The following MBTPS1 variants were observed in gnomAD, a reference collection of about 807,000 sequenced individuals.
The protein encoded by MBTPS1 is membrane-bound transcription factor site-1 protease.
MBTPS1 carries 94 observed loss-of-function variants against 127.8 expected under a neutral mutation model. The observed-to-expected ratio is 0.74, with a 90% CI of 0.62 to 0.87. The LOEUF is 0.87. Ranked by LOEUF, MBTPS1 falls within the 40% of genes least tolerant of loss-of-function variation. MBTPS1 has a pLI of 0.00. For synonymous variants in MBTPS1, 632 were observed against 509.4 expected (o/e 1.24, Z -3.24); for missense variants, 1,636 against 1,353.2 (o/e 1.21, Z -3.28).
chr16:84,091,402 C>T (rs960987645), intron 7 of MBTPS1, among the ~76,000 whole-genome samples: 4 of 149,556 alleles, frequency 2.7e-5, no homozygotes, highest in African/African-American at 9.9e-5. Flanking sequence ...AGGAGAACCG[C>T]TTGAACCTGG....
At chr16:84,086,164 C>T (rs1265581394) in intron 9 of MBTPS1, 1 of 152,266 alleles carries the variant, frequency 6.6e-6, no homozygotes, top group East Asian at 1.9e-4. Flanking sequence ...GCATCCTCCA[C>T]TGCAGCTGTG....
rs1238811707 is a variant in MBTPS1, at chr16:84,065,684, C to T, written c.2431+6G>A. The T allele has an allele frequency of 1.2e-6, 2 of 1,608,882 alleles. No homozygotes were observed. The highest frequency in any genetic ancestry group is 1.3e-5 in the African/African-American group (1 of 74,768). On this transcript the variant is annotated splice_donor_region_variant and intron_variant, in intron 18 of 22. Coordinates refer to ENST00000343411, the MANE Select transcript of MBTPS1 (RefSeq NM_003791.4). ...AAGCAAAAGGCCCATGAATGGCATC[C>T]TTTACCTTGGTCCTTGAAAGTCTGT...
intron 16 of MBTPS1, 132 bp downstream of exon 16, chr16:84,067,535 A>C: frequency 1.4e-6 from 1 of 724,860 alleles, no homozygotes; most frequent in Non-Finnish European, 2.3e-6. Flanking sequence ...CTTTTTTTCT[A>C]ATCAAGCTCT....
Position 84,082,019 on chromosome 16 carries a change from T to C in MBTPS1, c.1287-111A>G, listed in dbSNP as rs1254701291. On this transcript the variant is annotated intron_variant, in intron 10 of 22. Coordinates refer to ENST00000343411, the MANE Select transcript of MBTPS1 (RefSeq NM_003791.4). ...ACAAGAGGCCTGCAGTCTTGTTTAG[T>C]ATCCAACAGGTGCTTGTCTGGCACA... The C allele has an allele frequency of 5.8e-6, 4 of 692,662 alleles. No individual in the cohort carries two copies. In the East Asian group the frequency reaches 1.4e-4, roughly 24 times the overall value. The allele number at this position is 692,662 out of a possible 1,614,324, so 42.9% of individuals were successfully genotyped here.
Position 84,101,965 on chromosome 16 carries a change from G to C in MBTPS1, c.-182C>G, listed in dbSNP as rs1471254121. Reference sequence around the variant, plus strand: ...CCTTTTGTGGTTCAGCCTGAAGAGAGGCTTTCATTTCTTTCTCCGCTTCTT... The same window carrying C: ...CCTTTTGTGGTTCAGCCTGAAGAGACGCTTTCATTTCTTTCTCCGCTTCTT... On this transcript the variant is annotated 5_prime_UTR_variant, in exon 2 of 23. Transcript: ENST00000343411. 4 of 569,662 alleles carry C rather than the reference G, an allele frequency of 7.0e-6. No homozygotes were observed. The highest frequency in any genetic ancestry group is 1.2e-5 in the Non-Finnish European group (4 of 321,154). The allele number at this position is 569,662 out of a possible 1,614,324, so 35.3% of individuals were successfully genotyped here.
intron 1 of MBTPS1, among the ~76,000 whole-genome samples, chr16:84,114,518 T>A (rs62048234): frequency 0.012 from 1,889 of 152,066 alleles, 24 homozygotes; most frequent in Middle Eastern, 0.031. Flanking sequence ...AACTTCTAAC[T>A]TCCTTATTTT....
At chr16:84,089,052 C>T (rs1363677991) in intron 8 of MBTPS1, among the ~76,000 whole-genome samples, 1 of 152,246 alleles carries the variant, frequency 6.6e-6, no homozygotes, top group Non-Finnish European at 1.5e-5. Context: ...CGGCAGCCAG[C>T]GTGTGACAAA....
chr16:84,101,010 A>C (rs928174269), intron 2 of MBTPS1, among the ~76,000 whole-genome samples: 7 of 151,194 alleles, frequency 4.6e-5, no homozygotes, highest in African/African-American at 1.7e-4. Flanking sequence ...AAAAAAAAAA[A>C]AAAAAAAAGG....
At chr16:84,057,512 G>C (rs2085539688) in intron 21 of MBTPS1, 1 of 152,242 alleles carries the variant, frequency 6.6e-6, no homozygotes, top group Admixed American at 6.5e-5. Flanking sequence ...TCCTCTCAGG[G>C]AGGACGCTGA....
chr16:84,060,956 C>T, intron 19 of MBTPS1, 143 bp from the exon 20 acceptor site: 1 of 711,312 alleles, frequency 1.4e-6, no homozygotes, highest in East Asian at 2.9e-5. Flanking sequence ...GCCTCAGCCT[C>T]CCAAGTAGCT....
In MBTPS1 at chr16:84,095,280, G is replaced by C. The variant is rs144851348; in HGVS notation, c.625+322C>G. Among the ~76,000 whole-genome samples, 465 of 152,332 alleles carry C rather than the reference G, an allele frequency of 3.1e-3. 2 individuals carry two copies. The highest frequency in any genetic ancestry group is 7.7e-3 in the South Asian group (37 of 4,824). On this transcript the variant is annotated intron_variant, in intron 4 of 22. Transcript: ENST00000343411. ...GTGGCCGGCAGCGCTGTGCTCGTTT[G>C]TGTATGTGTCAATAGGAGAGAAGTG...
chr16:84,068,876 C>T (rs376114246), intron 14 of MBTPS1, among the ~76,000 whole-genome samples: 1 of 152,238 alleles, frequency 6.6e-6, no homozygotes, highest in Non-Finnish European at 1.5e-5. Context: ...GCACAGCTAA[C>T]TGATATCACT....
chr16:84,104,876 G>T (rs763873730), intron 1 of MBTPS1, among the ~76,000 whole-genome samples: 8 of 151,954 alleles, frequency 5.3e-5, no homozygotes, highest in Non-Finnish European at 1.0e-4. Context: ...AGGAGTTAGA[G>T]ACCAGCCTGG....
chr16:84,060,964 G>T lies in MBTPS1; in HGVS notation c.2573-151C>A. The stretch of plus-strand genomic sequence containing the variant: ...TCCTCCTGCCTCAGCCTCCCAAGTA[G>T]CTGAGACTGAAGGCACATGACAGCA... On this transcript the variant is annotated intron_variant, in intron 19 of 22. Coordinates refer to ENST00000343411, the MANE Select transcript of MBTPS1 (RefSeq NM_003791.4). The T allele has an allele frequency of 4.6e-6, 3 of 659,294 alleles. No homozygotes were observed. The South Asian group carries it at 6.2e-5, about 14-fold the overall frequency. The allele number at this position is 659,294 out of a possible 1,614,324, so 40.8% of individuals were successfully genotyped here. A position where few individuals can be genotyped will look rare whatever the true frequency, so the allele number is the denominator to read the frequency against.
chr16:84,076,299 A>T (rs1440630427), intron 11 of MBTPS1, among the ~76,000 whole-genome samples: 1 of 152,156 alleles, frequency 6.6e-6, no homozygotes, highest in Non-Finnish European at 1.5e-5. Flanking sequence ...ATACATATAT[A>T]TATAGATATA....
chr16:84,055,019 G>A (rs2085500866), intron 22 of MBTPS1, among the ~76,000 whole-genome samples: 1 of 152,178 alleles, frequency 6.6e-6, no homozygotes, highest in African/African-American at 2.4e-5. Flanking sequence ...ATCCAGGGGA[G>A]AAGGAGGGGC....
intron 11 of MBTPS1, among the ~76,000 whole-genome samples, chr16:84,077,001 G>A (rs2085864398): frequency 6.6e-6 from 1 of 152,174 alleles, no homozygotes; most frequent in Non-Finnish European, 1.5e-5. Context: ...CGAGGCGGGA[G>A]GACGGCTTGA....
At chr16:84,112,691 T>C (rs1374080610) in intron 1 of MBTPS1, among the ~76,000 whole-genome samples, 1 of 127,692 alleles carries the variant, frequency 7.8e-6, no homozygotes, top group Non-Finnish European at 1.6e-5. Context: ...AAAAAAAGAA[T>C]ACGCCGGGCT....
chr16:84,057,427 C>T (rs1040015470), intron 21 of MBTPS1: 1 of 152,266 alleles, frequency 6.6e-6, no homozygotes, highest in Non-Finnish European at 1.5e-5. Context: ...GTCATGGTAA[C>T]AGTCCACACC....
Sources: gnomAD v4.1 joint callset for allele counts (sites outside exome capture counted in the v4.1 genomes callset) on GRCh38, gnomAD v4.1.1 for gene constraint, MANE v1.5 for transcripts, NCBI Gene and HGNC (gene_info 2026-07-23, HGNC 2026-07-21) for gene names.